Variants in PAWR observed in about 807,000 individuals in gnomAD.
The protein encoded by PAWR is pro-apoptotic WT1 regulator.
In PAWR, 23 loss-of-function variants were observed where a neutral mutation model predicts 32.0. The observed-to-expected ratio is 0.72, with a 90% CI of 0.52 to 1.02. The LOEUF (loss-of-function observed/expected upper bound fraction) is 1.02, where lower values mean the gene tolerates loss of function less well. PAWR is among the 50% of genes least tolerant of loss of function. PAWR has a pLI of 0.00. For missense variants in PAWR, 457 were observed against 437.7 expected (o/e 1.04, Z -0.39); for synonymous variants, 226 against 187.1 (o/e 1.21, Z -1.70).
In PAWR at chr12:79,654,004, T is replaced by C. The variant is rs181881084; in HGVS notation, c.517-32797A>G. On this transcript the variant is annotated intron_variant, in intron 2 of 6. Coordinates refer to ENST00000328827, the MANE Select transcript of PAWR (RefSeq NM_002583.4). ...TCAAGCCCAGTTGGAGGTACTACTG[T>C]GTCTGAATGATATAAAATCTTCCTA... Among the ~76,000 whole-genome samples the C allele has an allele frequency of 1.8e-3, 273 of 152,286 alleles. 1 individual carries two copies. Among genetic ancestry groups the C allele is most frequent in the Middle Eastern group, 3.4e-3 (1 of 294 alleles).
chr12:79,598,601 T>C (rs1433077259), intron 4 of PAWR, among the ~76,000 whole-genome samples: 1 of 152,234 alleles, frequency 6.6e-6, no homozygotes, highest in African/African-American at 2.4e-5. Context: ...AATTTTCTTG[T>C]GATAGAAAAT....
chr12:79,597,979 C>T (rs1354260221), intron 4 of PAWR: 4 of 152,202 alleles, frequency 2.6e-5, no homozygotes, highest in African/African-American at 9.7e-5. Flanking sequence ...TAGGCTCACT[C>T]ACATGACTGA....
rs191890567 is a variant in PAWR at position 79,673,218 on chromosome 12, T to C, written c.516+16511A>G. Among the ~76,000 whole-genome samples, 620 of 152,064 alleles carry C rather than the reference T, an allele frequency of 4.1e-3. 12 individuals are homozygous for C. Among genetic ancestry groups the C allele is most frequent in the African/African-American group, 0.014 (589 of 41,492 alleles). On this transcript the variant is annotated intron_variant, in intron 2 of 6. Coordinates refer to ENST00000328827, the MANE Select transcript of PAWR (RefSeq NM_002583.4). ...CCGAGTAGCTGGGACTACAGGCACC[T>C]GCCACCACACCTGGCTAATTTTTTG...
intron 4 of PAWR, among the ~76,000 whole-genome samples, chr12:79,605,465 C>A (rs543346720): frequency 1.3e-5 from 2 of 151,952 alleles, no homozygotes; most frequent in Non-Finnish European, 2.9e-5. Flanking sequence ...TAGTACCCTG[C>A]ACCTTTGAAC....
At chr12:79,592,838 G>A (rs1873604186) in intron 6 of PAWR, 145 bp from the exon 7 acceptor site, 2 of 523,984 alleles carry the variant, frequency 3.8e-6, no homozygotes, top group African/African-American at 4.0e-5. Flanking sequence ...GATGTAATAT[G>A]CCCCACCAAA....
At chr12:79,657,417 AT>A (rs199781241) in intron 2 of PAWR, among the ~76,000 whole-genome samples, 2 of 151,556 alleles carry the variant, frequency 1.3e-5, no homozygotes, top group African/African-American at 4.9e-5. Context: ...ACTTCAATAT[AT>A]TTAAAAAAAA....
At chr12:79,656,521 G>T (rs1345555869) in intron 2 of PAWR, among the ~76,000 whole-genome samples, 1 of 152,114 alleles carries the variant, frequency 6.6e-6, no homozygotes, top group Non-Finnish European at 1.5e-5. Flanking sequence ...TAGGTAGATG[G>T]TGCTACTACT....
intron 2 of PAWR, among the ~76,000 whole-genome samples, chr12:79,662,786 T>TA (rs1877412130): frequency 6.6e-6 from 1 of 152,228 alleles, no homozygotes; most frequent in African/African-American, 2.4e-5. Flanking sequence ...TTCTAAGGGT[T>TA]ACTAAGCACT....
At chr12:79,635,934 T>C (rs1165915414) in intron 2 of PAWR, among the ~76,000 whole-genome samples, 1 of 152,116 alleles carries the variant, frequency 6.6e-6, no homozygotes, top group Non-Finnish European at 1.5e-5. Context: ...TGGTAGAGAC[T>C]AGACTGACTG....
At chr12:79,605,477 A>G (rs890773017) in intron 4 of PAWR, among the ~76,000 whole-genome samples, 1 of 151,996 alleles carries the variant, frequency 6.6e-6, no homozygotes, top group African/African-American at 2.4e-5. Flanking sequence ...CCTTTGAACT[A>G]TTCAATATTT....
At chr12:79,613,411 C>T (rs8176882) in intron 4 of PAWR, among the ~76,000 whole-genome samples, 164 bp downstream of exon 4, 2 of 152,152 alleles carry the variant, frequency 1.3e-5, no homozygotes, top group African/African-American at 2.4e-5. Context: ...AAGCCATGGT[C>T]AGGCAGACAT....
chr12:79,598,972 T>C (rs1314646648), intron 4 of PAWR, among the ~76,000 whole-genome samples: 1 of 152,202 alleles, frequency 6.6e-6, no homozygotes, highest in African/African-American at 2.4e-5. Context: ...CCTGACCTCG[T>C]GATCCACCTG....
intron 2 of PAWR, among the ~76,000 whole-genome samples, chr12:79,687,015 C>T (rs1041560633): frequency 1.3e-5 from 2 of 152,144 alleles, no homozygotes; most frequent in Admixed American, 1.3e-4. Flanking sequence ...ATCTGATAAA[C>T]ACACACAAAA....
intron 2 of PAWR, among the ~76,000 whole-genome samples, chr12:79,651,760 T>C (rs1426307849): frequency 6.6e-6 from 1 of 152,142 alleles, no homozygotes; most frequent in Non-Finnish European, 1.5e-5. Context: ...CCTTGGTCTC[T>C]TCTGTAGTAG....
At chr12:79,674,555 T>A (rs1004048943) in intron 2 of PAWR, among the ~76,000 whole-genome samples, 1 of 152,088 alleles carries the variant, frequency 6.6e-6, no homozygotes, top group Non-Finnish European at 1.5e-5. Context: ...AATTGACAAG[T>A]GGGACCTAAT....
chr12:79,611,323 A>C (rs939438888), intron 4 of PAWR, among the ~76,000 whole-genome samples: 97 of 147,664 alleles, frequency 6.6e-4, no homozygotes, highest in African/African-American at 2.0e-3. Context: ...TGGTTTACTG[A>C]AAATATTTTC....
At chr12:79,622,043 A>C (rs982105483) in intron 2 of PAWR, among the ~76,000 whole-genome samples, 1 of 152,070 alleles carries the variant, frequency 6.6e-6, no homozygotes, top group Admixed American at 6.6e-5. Flanking sequence ...AACAAAAAAA[A>C]CCACACACCT....
At chr12:79,613,353 C>T (rs1874526223) in intron 4 of PAWR, among the ~76,000 whole-genome samples, 5 of 152,148 alleles carry the variant, frequency 3.3e-5, no homozygotes, top group Admixed American at 3.3e-4. Context: ...GTTCATCAGA[C>T]CCATGCAAAT....
chr12:79,648,316 T>G (rs893599301), intron 2 of PAWR, among the ~76,000 whole-genome samples: 60 of 152,128 alleles, frequency 3.9e-4, no homozygotes, highest in African/African-American at 1.3e-3. Context: ...GATGGATTCC[T>G]AATGTTCCTC....
Sources: gnomAD v4.1 joint callset for allele counts (sites outside exome capture counted in the v4.1 genomes callset) on GRCh38, gnomAD v4.1.1 for gene constraint, MANE v1.5 for transcripts, NCBI Gene and HGNC (gene_info 2026-07-23, HGNC 2026-07-21) for gene names.